SNTG1: variants seen among roughly 807,000 people sequenced by gnomAD.
The protein encoded by SNTG1 is syntrophin gamma 1, also known as gamma-1-syntrophin.
Under a neutral mutation model 74.7 loss-of-function variants are expected in SNTG1, and 39 were observed. That is an observed-to-expected ratio of 0.52 (90% CI 0.40 to 0.68). SNTG1 has a LOEUF of 0.68. Among genes scored for constraint, SNTG1 ranks in the 30% least tolerant of loss-of-function variants. The probability of loss-of-function intolerance (pLI) is 0.00; values close to 1 mark genes in which losing one functional copy is unlikely to be tolerated. For missense variants in SNTG1, 685 were observed against 609.5 expected, an observed-to-expected ratio of 1.12 and a Z score of -1.30; for synonymous variants, 254 against 217.1, an observed-to-expected ratio of 1.17 and a Z score of -1.49.
intron 16 of SNTG1, 21 bp from the exon 17 acceptor site, chr8:50,708,865 A>T (rs1280273166): frequency 6.5e-7 from 1 of 1,538,164 alleles, no homozygotes; most frequent in East Asian, 2.3e-5. Context: ...GAAAAGTAAC[A>T]ATACTTTCTG....
chr8:49,923,396 A>G (rs951829844), intron 1 of SNTG1, among the ~76,000 whole-genome samples: 5 of 152,138 alleles, frequency 3.3e-5, no homozygotes, highest in Admixed American at 6.6e-5. Context: ...AATTATTTAC[A>G]TTATTTTTAT....
chr8:49,931,727 A>C (rs1807612613), intron 1 of SNTG1, among the ~76,000 whole-genome samples: 1 of 152,226 alleles, frequency 6.6e-6, no homozygotes, highest in African/African-American at 2.4e-5. Context: ...GATGATGGCT[A>C]CTTGCTCAAT....
intron 1 of SNTG1, among the ~76,000 whole-genome samples, chr8:50,130,086 C>T (rs911860319): frequency 6.6e-6 from 1 of 152,090 alleles, no homozygotes; most frequent in Admixed American, 6.6e-5. Flanking sequence ...TTGTAAATAG[C>T]CTCTAAGTTA....
intron 11 of SNTG1, among the ~76,000 whole-genome samples, chr8:50,539,309 G>C (rs116534982): frequency 0.016 from 2,359 of 152,184 alleles, 57 homozygotes; most frequent in African/African-American, 0.052. Context: ...TGTTGTTGTT[G>C]TTGTTCTTGT....
chr8:50,637,761 T>C (rs1486042005), intron 13 of SNTG1, among the ~76,000 whole-genome samples: 2 of 152,132 alleles, frequency 1.3e-5, no homozygotes, highest in Non-Finnish European at 2.9e-5. Flanking sequence ...CAATATTTTA[T>C]TTATTTTTAA....
intron 11 of SNTG1, 108 bp from the exon 12 acceptor site, chr8:50,552,942 C>A: frequency 1.5e-6 from 2 of 1,317,134 alleles, no homozygotes; most frequent in South Asian, 1.6e-5. Context: ...AATTTGGAGG[C>A]TGATATTTAT....
At chr8:50,522,090 A>T (rs75207216) in intron 9 of SNTG1, among the ~76,000 whole-genome samples, 7,268 of 152,246 alleles carry the variant, frequency 0.048, 307 homozygotes, top group African/African-American at 0.11. Flanking sequence ...AGTAATCCCC[A>T]TCTATGGCAG....
At chr8:50,049,361 G>T (rs1329663133) in intron 1 of SNTG1, among the ~76,000 whole-genome samples, 2 of 152,006 alleles carry the variant, frequency 1.3e-5, no homozygotes, top group African/African-American at 4.8e-5. Context: ...GAAAGCTAAA[G>T]TAGCTAAATT....
At chr8:50,398,527 T>C (rs1206164440) in intron 3 of SNTG1, among the ~76,000 whole-genome samples, 1 of 152,258 alleles carries the variant, frequency 6.6e-6, no homozygotes. Flanking sequence ...ACCACACATA[T>C]TTCCTATCCT....
intron 2 of SNTG1, among the ~76,000 whole-genome samples, chr8:50,332,229 ATAT>A (rs1384258230): frequency 6.6e-6 from 1 of 152,170 alleles, no homozygotes; most frequent in Non-Finnish European, 1.5e-5. Context: ...TATGACATAC[ATAT>A]TATTCCTATT....
At chr8:50,586,552 C>T (rs2094649419) in intron 12 of SNTG1, among the ~76,000 whole-genome samples, 1 of 152,004 alleles carries the variant, frequency 6.6e-6, no homozygotes, top group Non-Finnish European at 1.5e-5. Context: ...CTTTCATTTC[C>T]ATGTTCTAGC....
At chr8:50,730,031 G>A (rs2095509299) in intron 17 of SNTG1, among the ~76,000 whole-genome samples, 1 of 151,852 alleles carries the variant, frequency 6.6e-6, no homozygotes, top group Non-Finnish European at 1.5e-5. Flanking sequence ...AAAAGTAGTT[G>A]GATAAGAAAA....
intron 2 of SNTG1, among the ~76,000 whole-genome samples, chr8:50,349,048 G>C (rs1250609087): frequency 6.6e-6 from 1 of 152,214 alleles, no homozygotes; most frequent in Non-Finnish European, 1.5e-5. Context: ...AGAATATGAA[G>C]AATCCCCAAC....
intron 1 of SNTG1, among the ~76,000 whole-genome samples, chr8:49,916,528 A>T (rs1175429310): frequency 6.6e-6 from 1 of 152,272 alleles, no homozygotes; most frequent in South Asian, 2.1e-4. Flanking sequence ...GATATTTTTA[A>T]AATTAAAAAT....
At chr8:50,671,078 A>T (rs1001920861) in intron 15 of SNTG1, among the ~76,000 whole-genome samples, 1 of 151,710 alleles carries the variant, frequency 6.6e-6, no homozygotes, top group Non-Finnish European at 1.5e-5. Flanking sequence ...TAGACCTAAA[A>T]CCATAAAAAC....
At chr8:50,342,509 C>A (rs1317197243) in intron 2 of SNTG1, among the ~76,000 whole-genome samples, 1 of 152,028 alleles carries the variant, frequency 6.6e-6, no homozygotes, top group African/African-American at 2.4e-5. Flanking sequence ...AAATGTTTTG[C>A]TAAGTAAGGC....
At chr8:50,754,443 T>G (rs891074981) in intron 18 of SNTG1, among the ~76,000 whole-genome samples, 18 of 151,926 alleles carry the variant, frequency 1.2e-4, no homozygotes, top group Non-Finnish European at 2.9e-5. Context: ...ATGAACAACT[T>G]GTTATATGTA....
chr8:50,054,994 T>C (rs1237200229), intron 1 of SNTG1, among the ~76,000 whole-genome samples: 1 of 152,090 alleles, frequency 6.6e-6, no homozygotes, highest in Non-Finnish European at 1.5e-5. Context: ...GCCTTCAATT[T>C]TTTTTAAACT....
intron 1 of SNTG1, among the ~76,000 whole-genome samples, chr8:50,046,850 A>T (rs1819131609): frequency 6.6e-6 from 1 of 152,124 alleles, no homozygotes; most frequent in East Asian, 1.9e-4. Context: ...CTAGAAGTTG[A>T]TGTTTCTTCA....
Sources: allele counts gnomAD v4.1 joint callset (sites outside exome capture counted in the v4.1 genomes callset), GRCh38; gene constraint gnomAD v4.1.1; transcripts MANE v1.5; gene names NCBI Gene and HGNC (gene_info 2026-07-23, HGNC 2026-07-21).